Variants in EYS observed in about 807,000 individuals in gnomAD.
EYS encodes the protein EGF-like photoreceptor maintenance factor, also known as protein eyes shut homolog.
A neutral mutation model predicts 282.1 loss-of-function variants in EYS; 250 were observed. That is an observed-to-expected ratio of 0.89 (90% confidence interval 0.80 to 0.98). The LOEUF (loss-of-function observed/expected upper bound fraction) is 0.98. Among genes scored for constraint, EYS ranks in the 50% least tolerant of loss-of-function variants. EYS has a pLI of 0.00. For synonymous variants in EYS, 1,355 were observed against 1,282.9 expected (o/e 1.06, Z -1.20); for missense variants, 4,016 against 3,709.0 (o/e 1.08, Z -2.15).
chr6:63,913,313 T>A (rs185520465), intron 35 of EYS, among the ~76,000 whole-genome samples: 94 of 152,348 alleles, frequency 6.2e-4, no homozygotes, highest in African/African-American at 2.1e-3. Context: ...GTTCATTTTG[T>A]ATAAATATAT....
intron 35 of EYS, among the ~76,000 whole-genome samples, chr6:63,907,947 C>T (rs1773815778): frequency 6.7e-6 from 1 of 150,118 alleles, no homozygotes; most frequent in Admixed American, 6.6e-5. Flanking sequence ...GACATGATTT[C>T]ATTCTTTTTT....
chr6:64,995,457 G>A (rs192555926), intron 14 of EYS, among the ~76,000 whole-genome samples: 17 of 152,118 alleles, frequency 1.1e-4, no homozygotes, highest in Admixed American at 3.3e-4. Flanking sequence ...AAACCTGAGG[G>A]TAGTCTTTAG....
At chr6:64,963,644 A>T (rs1257714158) in intron 14 of EYS, among the ~76,000 whole-genome samples, 1 of 152,178 alleles carries the variant, frequency 6.6e-6, no homozygotes, top group Non-Finnish European at 1.5e-5. Context: ...GTGAGGAAGG[A>T]AGCAACTCAT....
chr6:64,713,871 AG>A (rs1481612837), intron 22 of EYS, among the ~76,000 whole-genome samples: 1 of 152,188 alleles, frequency 6.6e-6, no homozygotes, highest in Non-Finnish European at 1.5e-5. Flanking sequence ...ACTTTGGCAA[AG>A]CTCCATGAAA....
chr6:63,883,462 G>A (rs1054200754), intron 35 of EYS, among the ~76,000 whole-genome samples: 19 of 152,308 alleles, frequency 1.2e-4, no homozygotes, highest in South Asian at 2.1e-4. Context: ...GCCCCACGGG[G>A]GAAACTCTCA....
chr6:65,045,843 A>G (rs1223020084), intron 13 of EYS, among the ~76,000 whole-genome samples: 1 of 151,922 alleles, frequency 6.6e-6, no homozygotes, highest in Non-Finnish European at 1.5e-5. Flanking sequence ...TGTGTTTAGA[A>G]TTTAACAATT....
chr6:65,514,798 A>G (rs1436015832), intron 2 of EYS, among the ~76,000 whole-genome samples: 1 of 152,230 alleles, frequency 6.6e-6, no homozygotes, highest in Non-Finnish European at 1.5e-5. Flanking sequence ...TTCAAGGTGG[A>G]TTAAAGACTT....
At chr6:65,478,194 T>C (rs995982987) in intron 5 of EYS, among the ~76,000 whole-genome samples, 1 of 152,024 alleles carries the variant, frequency 6.6e-6, no homozygotes, top group Non-Finnish European at 1.5e-5. Context: ...AGATATAATA[T>C]ATGAATGACA....
chr6:64,865,176 CA>C (rs1202616857), intron 19 of EYS, among the ~76,000 whole-genome samples: 1 of 151,970 alleles, frequency 6.6e-6, no homozygotes, highest in African/African-American at 2.4e-5. Context: ...GGGCTGTGAA[CA>C]AAAATATCTT....
At chr6:65,335,650 T>C (rs1360718686) in intron 10 of EYS, among the ~76,000 whole-genome samples, 2 of 151,682 alleles carry the variant, frequency 1.3e-5, no homozygotes, top group African/African-American at 4.8e-5. Flanking sequence ...CATACATGTT[T>C]ACTCATTGAA....
chr6:64,428,298 A>G (rs1412986028), intron 28 of EYS, among the ~76,000 whole-genome samples: 3 of 152,142 alleles, frequency 2.0e-5, no homozygotes, highest in Non-Finnish European at 4.4e-5. Flanking sequence ...ATGAAATACT[A>G]AAATTATAAA....
intron 31 of EYS, among the ~76,000 whole-genome samples, chr6:64,219,067 C>T (rs1247243600): frequency 6.6e-6 from 1 of 152,112 alleles, no homozygotes; most frequent in African/African-American, 2.4e-5. Context: ...CACCAACAAA[C>T]CACTGATGCA....
intron 30 of EYS, among the ~76,000 whole-genome samples, chr6:64,286,965 A>G (rs1163974421): frequency 6.6e-6 from 1 of 152,164 alleles, no homozygotes; most frequent in African/African-American, 2.4e-5. Context: ...TCTTAACAAA[A>G]TTGAAGTTTT....
chr6:64,068,797 G>C (rs932050898), intron 32 of EYS, among the ~76,000 whole-genome samples: 1 of 152,112 alleles, frequency 6.6e-6, no homozygotes, highest in Non-Finnish European at 1.5e-5. Flanking sequence ...GTTGTGATAA[G>C]CTGAATTATG....
intron 1 of EYS, among the ~76,000 whole-genome samples, chr6:65,671,568 G>A (rs1768391675): frequency 6.6e-6 from 1 of 152,008 alleles, no homozygotes; most frequent in African/African-American, 2.4e-5. Context: ...CTTGTTGCAG[G>A]GTGAAGTAAG....
chr6:65,121,317 A>G (rs1409341220), intron 12 of EYS, among the ~76,000 whole-genome samples: 3 of 152,188 alleles, frequency 2.0e-5, no homozygotes, highest in African/African-American at 7.2e-5. Flanking sequence ...CAGTTGAAAA[A>G]GGAGACAAAG....
At chr6:64,611,208 T>C (rs1767105678) in intron 24 of EYS, among the ~76,000 whole-genome samples, 1 of 152,156 alleles carries the variant, frequency 6.6e-6, no homozygotes, top group South Asian at 2.1e-4. Flanking sequence ...GATCGAGCCT[T>C]ATTTCTTATG....
intron 12 of EYS, among the ~76,000 whole-genome samples, chr6:65,084,947 A>G (rs937925823): frequency 6.6e-6 from 1 of 152,128 alleles, no homozygotes; most frequent in Non-Finnish European, 1.5e-5. Flanking sequence ...TCTAAATCTC[A>G]GGCTATATTC....
At chr6:64,250,081 C>T (rs1241091906) in intron 30 of EYS, among the ~76,000 whole-genome samples, 1 of 152,196 alleles carries the variant, frequency 6.6e-6, no homozygotes, top group East Asian at 1.9e-4. Context: ...ATACAAATTT[C>T]ATGCTGAGAA....
Sources: allele counts gnomAD v4.1 joint callset (sites outside exome capture counted in the v4.1 genomes callset), GRCh38; gene constraint gnomAD v4.1.1; transcripts MANE v1.5; gene names NCBI Gene and HGNC (gene_info 2026-07-23, HGNC 2026-07-21).